ANO4: variants seen among roughly 807,000 people sequenced by gnomAD.
The protein encoded by ANO4 is anoctamin-4.
Under a neutral mutation model 141.9 loss-of-function variants are expected in ANO4, and 69 were observed. The observed-to-expected ratio is 0.49, with a 90% CI of 0.40 to 0.59. ANO4 has a LOEUF of 0.59. Ranked by LOEUF, ANO4 falls within the 20% of genes least tolerant of loss-of-function variation. The pLI is 0.00. For synonymous variants in ANO4, 350 were observed against 394.3 expected (o/e 0.89, Z 1.33); for missense variants, 894 against 1,162.2 (o/e 0.77, Z 3.36).
At chr12:100,870,544 T>G (rs1242227679) in intron 1 of ANO4, among the ~76,000 whole-genome samples, 1 of 152,168 alleles carries the variant, frequency 6.6e-6, no homozygotes, top group African/African-American at 2.4e-5. Flanking sequence ...ACCATCCTGA[T>G]TCTCTATTTT....
chr12:100,972,902 C>T (rs2043992415), intron 6 of ANO4, among the ~76,000 whole-genome samples: 1 of 152,184 alleles, frequency 6.6e-6, no homozygotes, highest in African/African-American at 2.4e-5. Context: ...CTCTTACTAC[C>T]TGCAAAGGAT....
At chr12:101,062,302 T>C (rs2048380847) in intron 14 of ANO4, among the ~76,000 whole-genome samples, 9 of 152,184 alleles carry the variant, frequency 5.9e-5, no homozygotes, top group Admixed American at 5.9e-4. Flanking sequence ...GGAGCTCTCC[T>C]GTATGAGGTG....
chr12:101,076,671 G>C (rs2049037526), intron 14 of ANO4, among the ~76,000 whole-genome samples: 1 of 152,158 alleles, frequency 6.6e-6, no homozygotes, highest in Non-Finnish European at 1.5e-5. Context: ...TGAATCCTAT[G>C]GCCTGAGGCT....
intron 5 of ANO4, among the ~76,000 whole-genome samples, chr12:100,962,310 G>C (rs473988): frequency 0.35 from 52,647 of 152,060 alleles, 10,255 homozygotes; most frequent in Middle Eastern, 0.48. Flanking sequence ...TCAGTAACAT[G>C]CTGGGTGCTG....
chr12:101,015,265 G>A lies in ANO4; in HGVS notation c.735-4769G>A, dbSNP rs375889426. The stretch of plus-strand genomic sequence containing the variant: ...AACCAATGTTTTCCGAGGTGTATGT[G>A]TCCTCCCATAGTCATTCTGTGCATG... On this transcript the variant is annotated intron_variant, in intron 8 of 27. Transcript: ENST00000392977. 3.5e-4 allele frequency among the ~76,000 whole-genome samples: 53 copies of A among 152,262 alleles called. No homozygotes were observed. In the South Asian group the frequency reaches 0.011, roughly 32 times the overall value.
chr12:100,983,288 C>T (rs914397254), intron 7 of ANO4, among the ~76,000 whole-genome samples: 1 of 152,104 alleles, frequency 6.6e-6, no homozygotes, highest in African/African-American at 2.4e-5. Flanking sequence ...AGGATCAGAC[C>T]GAGAGTGTTT....
chr12:100,956,937 T>C (rs753374591), intron 5 of ANO4, among the ~76,000 whole-genome samples: 22 of 152,358 alleles, frequency 1.4e-4, no homozygotes, highest in Non-Finnish European at 2.8e-4. Context: ...TTTTTTTCTC[T>C]GGTCCCATTT....
At chr12:100,765,410 A>T (rs1593292596) in intron 3 of ANO4, among the ~76,000 whole-genome samples, 3 of 109,914 alleles carry the variant, frequency 2.7e-5, no homozygotes, top group South Asian at 2.6e-4. Context: ...ACAGGGTTCT[A>T]CTCTGTCACC....
intron 3 of ANO4, among the ~76,000 whole-genome samples, chr12:100,776,320 T>G (rs1225284475): frequency 2.0e-5 from 3 of 152,138 alleles, no homozygotes; most frequent in Non-Finnish European, 4.4e-5. Flanking sequence ...GAGCCGAGGC[T>G]CTCAGAACCA....
chr12:101,033,444 G>A (rs2047064380), intron 9 of ANO4, among the ~76,000 whole-genome samples: 1 of 151,872 alleles, frequency 6.6e-6, no homozygotes, highest in Non-Finnish European at 1.5e-5. Context: ...ATGTGCACAT[G>A]TACCCTAAAA....
intron 3 of ANO4, among the ~76,000 whole-genome samples, chr12:100,767,714 A>G (rs1390877627): frequency 6.6e-6 from 1 of 152,218 alleles, no homozygotes; most frequent in African/African-American, 2.4e-5. Context: ...GGAATTTTTC[A>G]TTTAATAATT....
At chr12:100,827,298 A>G (rs1217829877) in intron 1 of ANO4, among the ~76,000 whole-genome samples, 2 of 152,016 alleles carry the variant, frequency 1.3e-5, no homozygotes, top group Non-Finnish European at 1.5e-5. Flanking sequence ...CCCTGTGCCA[A>G]TACAGATCTT....
At chr12:101,036,827 A>G (rs144748997) in intron 9 of ANO4, among the ~76,000 whole-genome samples, 1 of 152,326 alleles carries the variant, frequency 6.6e-6, no homozygotes, top group East Asian at 1.9e-4. Context: ...TCATTACATA[A>G]TGTATATGCA....
At chr12:100,808,984 A>C (rs1310955380) in intron 1 of ANO4, among the ~76,000 whole-genome samples, 1 of 152,244 alleles carries the variant, frequency 6.6e-6, no homozygotes, top group Admixed American at 6.5e-5. Context: ...CTTAGTAAGC[A>C]CTTAATGAAC....
intron 15 of ANO4, among the ~76,000 whole-genome samples, chr12:101,082,104 C>T (rs1266897482): frequency 6.6e-6 from 1 of 152,156 alleles, no homozygotes; most frequent in African/African-American, 2.4e-5. Flanking sequence ...TTGTAGCTCC[C>T]ATAATCCCCA....
rs1161416468 is a variant in ANO4, at chr12:100,735,671, T to C, written c.106+1814T>C. ...ATGGAATTGCTGGCAGGACTAGTCATTGGCTGGATATGGGGATAGTAAGTG... is the reference window on the plus strand; with the variant it reads ...ATGGAATTGCTGGCAGGACTAGTCACTGGCTGGATATGGGGATAGTAAGTG... On this transcript the variant is annotated intron_variant, in intron 2 of 29. Coordinates refer to the ANO4 transcript ENST00000644049. Among the ~76,000 whole-genome samples the C allele has an allele frequency of 2.0e-5, 3 of 151,736 alleles. No individual in the cohort carries two copies. The East Asian group carries it at 5.8e-4, about 30-fold the overall frequency.
intron 1 of ANO4, among the ~76,000 whole-genome samples, chr12:100,862,519 G>A (rs750430562): frequency 1.2e-4 from 18 of 152,026 alleles, no homozygotes; most frequent in Non-Finnish European, 2.2e-4. Context: ...ATGGGATTTC[G>A]CCATGTTGAC....
intron 2 of ANO4, among the ~76,000 whole-genome samples, chr12:100,737,361 A>G (rs150761228): frequency 0.012 from 1,785 of 152,302 alleles, 41 homozygotes; most frequent in African/African-American, 0.04. Flanking sequence ...TCCTCAGGCC[A>G]TTGCTCTAGG....
intron 1 of ANO4, among the ~76,000 whole-genome samples, chr12:100,820,763 G>T (rs1303337969): frequency 6.6e-6 from 1 of 152,052 alleles, no homozygotes; most frequent in Admixed American, 6.6e-5. Flanking sequence ...TCCTGGGTTT[G>T]CAATGCTGGG....
Sources: gnomAD v4.1 joint callset for allele counts (sites outside exome capture counted in the v4.1 genomes callset) on GRCh38, gnomAD v4.1.1 for gene constraint, MANE v1.5 for transcripts, NCBI Gene and HGNC (gene_info 2026-07-23, HGNC 2026-07-21) for gene names.